The following COL14A1 variants were observed in gnomAD, a reference collection of about 807,000 sequenced individuals.
COL14A1 encodes collagen type XIV alpha 1 chain.
Under a neutral mutation model 230.3 loss-of-function variants are expected in COL14A1, and 136 were observed. The ratio of observed to expected loss-of-function variants is 0.59; its 90% CI spans 0.51 to 0.68. COL14A1 has a LOEUF of 0.68. Ranked by LOEUF, COL14A1 falls within the 30% of genes least tolerant of loss-of-function variation. The pLI is 0.00. For missense variants in COL14A1, 1,976 were observed against 2,215.8 expected, an observed-to-expected ratio of 0.89 and a Z score of 2.17; for synonymous variants, 792 against 784.1, an observed-to-expected ratio of 1.01 and a Z score of -0.17.
At chr8:120,297,479 T>C (rs770587279) in intron 34 of COL14A1, 32 bp from the exon 35 acceptor site, 1 of 1,154,596 alleles carries the variant, frequency 8.7e-7, no homozygotes, top group Admixed American at 2.9e-5. Flanking sequence ...ATATATATTT[T>C]ATTGAATGAC....
intron 1 of COL14A1, among the ~76,000 whole-genome samples, chr8:120,139,252 A>G (rs951543276): frequency 6.6e-6 from 1 of 152,236 alleles, no homozygotes; most frequent in African/African-American, 2.4e-5. Context: ...CGTATAAAAT[A>G]TGCTTAAATA....
intron 40 of COL14A1, among the ~76,000 whole-genome samples, chr8:120,319,135 C>T (rs1228685486): frequency 1.3e-5 from 2 of 151,716 alleles, no homozygotes; most frequent in East Asian, 3.9e-4. Flanking sequence ...TATATTTTTG[C>T]CTTCTCTTGT....
intron 1 of COL14A1, among the ~76,000 whole-genome samples, chr8:120,133,073 A>G (rs1814588692): frequency 6.6e-6 from 1 of 152,028 alleles, no homozygotes; most frequent in African/African-American, 2.4e-5. Flanking sequence ...AAAATTAGCC[A>G]GGCATGGTGG....
In COL14A1 at chr8:120,131,370, T is replaced by G. The variant is rs1201744182; in HGVS notation, c.-38+6030T>G. Among the ~76,000 whole-genome samples, 118 of 5,978 alleles carry G rather than the reference T, an allele frequency of 0.02. 1 individual carries two copies. The African/African-American group carries it at 0.35, about 18-fold the overall frequency. The allele number at this position is 5,978 out of a possible 152,430, so 3.9% of individuals were successfully genotyped here. A position where few individuals can be genotyped will look rare whatever the true frequency, so the allele number is the denominator to read the frequency against. Reference sequence around the variant, plus strand: ...CATTTCCTTTTCTCTGCAAATCTGTTTTTTTTTTTTTGACTTTTTAATGAT... The same window carrying G: ...CATTTCCTTTTCTCTGCAAATCTGTGTTTTTTTTTTTGACTTTTTAATGAT... On this transcript the variant is annotated intron_variant, in intron 1 of 47. Transcript: ENST00000297848.
intron 42 of COL14A1, among the ~76,000 whole-genome samples, chr8:120,336,286 G>A (rs1205623920): frequency 2.0e-5 from 3 of 152,072 alleles, no homozygotes; most frequent in Non-Finnish European, 4.4e-5. Context: ...TGGGAGTAGC[G>A]GCTTCAGGAG....
rs750144112 is a variant in COL14A1 at position 120,367,157 on chromosome 8, A to C, written c.5078-14A>C. 6.6e-5 allele frequency: 103 copies of C among 1,566,808 alleles called. No homozygotes were observed. Among genetic ancestry groups the C allele is most frequent in the Non-Finnish European group, 8.3e-5 (96 of 1,161,528 alleles). On this transcript the variant is annotated splice_polypyrimidine_tract_variant and intron_variant, in intron 45 of 47. Transcript: ENST00000297848. ...AAAAGAACTTTAAACATTTTTAAAAATTATTTTAAACAGGTCTAACTGGTA... is the reference window on the plus strand; with the variant it reads ...AAAAGAACTTTAAACATTTTTAAAACTTATTTTAAACAGGTCTAACTGGTA...
intron 35 of COL14A1, 94 bp from the exon 36 acceptor site, chr8:120,300,638 A>C: frequency 1.1e-6 from 1 of 947,786 alleles, no homozygotes; most frequent in Non-Finnish European, 1.6e-6. Flanking sequence ...TGAAAATCTA[A>C]AAATATCTTA....
intron 31 of COL14A1, among the ~76,000 whole-genome samples, chr8:120,282,865 C>T (rs543711854): frequency 4.6e-5 from 7 of 152,060 alleles, no homozygotes; most frequent in African/African-American, 4.8e-5. Context: ...CAGCAGGACA[C>T]AGGACAAGCC....
At chr8:120,226,819 A>C in intron 16 of COL14A1, 53 bp downstream of exon 16, 1 of 1,549,470 alleles carries the variant, frequency 6.5e-7, no homozygotes, top group South Asian at 1.2e-5. Context: ...GTGAATACCT[A>C]CTGCTGCTGG....
intron 7 of COL14A1, 106 bp downstream of exon 7, chr8:120,198,036 T>C: frequency 8.8e-7 from 1 of 1,132,658 alleles, no homozygotes; most frequent in Non-Finnish European, 1.3e-6. Flanking sequence ...TTAATTAAAC[T>C]AGCACTTAGG....
intron 9 of COL14A1, 94 bp downstream of exon 9, chr8:120,203,964 G>A (rs143180324): frequency 0.013 from 16,856 of 1,293,654 alleles, 140 homozygotes; most frequent in Non-Finnish European, 0.016. Context: ...TTTCATGTTG[G>A]CTTTTTGAAG....
chr8:120,208,290 A>G lies in COL14A1; in HGVS notation c.1250A>G (p.Glu417Gly), dbSNP rs750404042. 3.3e-5 allele frequency: 54 copies of G among 1,613,616 alleles called. No individual in the cohort carries two copies. Among genetic ancestry groups the G allele is most frequent in the Non-Finnish European group, 4.2e-5 (49 of 1,179,780 alleles). ...TTGAAAAACTTGATGTCTTTAACTG[A>G]ATATCAGATAGCAGTCTTTGCAATC... ...TVLKNLMSLT[E>G]YQIAVFAIYA... The change falls in exon 11 of 48, where the codon GAA becomes GGA. Residue 417 changes from glutamate to glycine, a missense_variant. By Grantham distance (98) the Glu-to-Gly change is moderately conservative (BLOSUM62 -2). Around this residue, in one of 3 missense-constraint regions of COL14A1, gnomAD observed 1,791 missense variants for 2,019.5 expected, o/e 0.89. Coordinates refer to ENST00000297848, the MANE Select transcript of COL14A1 (RefSeq NM_021110.4).
At chr8:120,271,211 C>T (rs954916865) in intron 26 of COL14A1, among the ~76,000 whole-genome samples, 4 of 151,382 alleles carry the variant, frequency 2.6e-5, no homozygotes, top group Non-Finnish European at 5.9e-5. Context: ...GAGCAAACAC[C>T]AGGGCCTACT....
intron 19 of COL14A1, among the ~76,000 whole-genome samples, chr8:120,243,236 C>CT (rs1297321756): frequency 4.6e-5 from 7 of 152,172 alleles, no homozygotes; most frequent in Non-Finnish European, 1.0e-4. Context: ...TGCTGCATTT[C>CT]TTTTTTGTGG....
chr8:120,292,911 A>G (rs1300187700), intron 34 of COL14A1, among the ~76,000 whole-genome samples: 1 of 152,090 alleles, frequency 6.6e-6, no homozygotes, highest in Non-Finnish European at 1.5e-5. Context: ...TACGTTCTTA[A>G]TAAAATCAAC....
chr8:120,125,707 G>A (rs1447260245), intron 1 of COL14A1, among the ~76,000 whole-genome samples: 1 of 152,088 alleles, frequency 6.6e-6, no homozygotes, highest in East Asian at 1.9e-4. Flanking sequence ...ATATAGAAGG[G>A]GCTTAACAAA....
rs114115928 is a variant in COL14A1, at chr8:120,278,474, C to A, written c.3377C>A (p.Ala1126Glu). The A allele has an allele frequency of 1.9e-6, 3 of 1,612,962 alleles. No individual in the cohort carries two copies. Among genetic ancestry groups the A allele is most frequent in the Non-Finnish European group, 2.5e-6 (3 of 1,179,498 alleles). The change falls in exon 28 of 48, where the codon GCA (alanine) becomes GAA (glutamate). Residue 1126 changes from alanine (A) to glutamate (E), a missense_variant. This residue lies in a region of COL14A1 where 1,791 missense variants were observed against 2,019.5 expected (regional missense o/e 0.89). Transcript: ENST00000297848. ...IKYVRDTLFT[A>E]ESGTRRGIPK... The stretch of plus-strand genomic sequence containing the variant: ...TATGTTCGAGATACCTTGTTCACTG[C>A]AGAGTCAGGTACAAGAAGGGGCATC...
At chr8:120,360,540 G>T (rs1298094731) in intron 45 of COL14A1, among the ~76,000 whole-genome samples, 1 of 152,142 alleles carries the variant, frequency 6.6e-6, no homozygotes, top group Admixed American at 6.5e-5. Flanking sequence ...GTCTGCCACC[G>T]TGCCCATCTG....
rs1236105251 is a variant in COL14A1, at chr8:120,273,573, G to T, written c.3213+3399G>T. Among the ~76,000 whole-genome samples the T allele has an allele frequency of 1.1e-4, 17 of 151,238 alleles. 1 individual carries two copies. In the East Asian group the frequency reaches 3.3e-3, roughly 29 times the overall value. ...GTTTAACCAAGAAAAAAGAGAGAAG[G>T]TTCAAATAGTCTCAATTAGAAATGA... On this transcript the variant is annotated intron_variant, in intron 26 of 47. Coordinates refer to ENST00000297848, the MANE Select transcript of COL14A1 (RefSeq NM_021110.4).
Sources: gnomAD v4.1 joint callset for allele counts (sites outside exome capture counted in the v4.1 genomes callset) on GRCh38, gnomAD v4.1.1 for gene constraint, gnomAD v4.1.1 regional missense constraint, MANE v1.5 for transcripts, NCBI Gene and HGNC (gene_info 2026-07-23, HGNC 2026-07-21) for gene names.